Variants in PFKM observed in about 807,000 individuals in gnomAD.
PFKM encodes the protein ATP-dependent 6-phosphofructokinase, muscle type.
PFKM carries 58 observed loss-of-function variants against 95.5 expected under a neutral mutation model. The ratio of observed to expected loss-of-function variants is 0.61; its 90% CI spans 0.49 to 0.76. The LOEUF (loss-of-function observed/expected upper bound fraction) is 0.76, where lower values mean the gene tolerates loss of function less well. Among genes scored for constraint, PFKM ranks in the 30% least tolerant of loss-of-function variants. PFKM has a pLI of 0.00. For synonymous variants in PFKM, 336 were observed against 357.2 expected (o/e 0.94, Z 0.67); for missense variants, 678 against 1,005.4 (o/e 0.67, Z 4.40).
chr12:48,145,661 C>A lies in PFKM; in HGVS notation c.2296C>A (p.His766Asn). ...EIDLDTSDHAHLEHITRKRSG... is the reference protein window; with the variant it reads ...EIDLDTSDHANLEHITRKRSG... Reference sequence around the variant, plus strand: ...TGACTTGGACACTTCAGACCATGCCCACCTGGAGCACATCACCCGGAAGCG... The same window carrying A: ...TGACTTGGACACTTCAGACCATGCCAACCTGGAGCACATCACCCGGAAGCG... Residue 766 changes from histidine (H) to asparagine (N), a missense_variant, in exon 23 of 23, where the codon CAC becomes AAC. By Grantham distance (68) the His-to-Asn change is moderately conservative. Transcript: ENST00000359794. This position sits in a 1 kb window ranked among gnomAD's most constrained non-coding sequence, Gnocchi z 4.3. 1 of 1,614,206 alleles carries A rather than the reference C, an allele frequency of 6.2e-7. No individual in the cohort carries two copies. Among genetic ancestry groups the A allele is most frequent in the Non-Finnish European group, 8.5e-7 (1 of 1,180,034 alleles).
intron 1 of PFKM, chr12:48,106,191 C>G: frequency 1.5e-6 from 1 of 681,854 alleles, no homozygotes; most frequent in South Asian, 1.5e-5. Context: ...AGTTAAGGAC[C>G]AGTGGGGCGC....
chr12:48,141,661 C>G, intron 15 of PFKM, 79 bp from the exon 16 acceptor site: 1 of 1,104,118 alleles, frequency 9.1e-7, no homozygotes, highest in Non-Finnish European at 1.4e-6. Flanking sequence ...CTAACTCTAG[C>G]TTTTCTCCCC....
intron 1 of PFKM, chr12:48,106,370 C>A: frequency 2.1e-6 from 1 of 480,102 alleles, no homozygotes; most frequent in Non-Finnish European, 3.7e-6. Context: ...TACCCGCCGC[C>A]TTCTGGTTCC....
At chr12:48,116,667 C>T (rs1019900616), upstream of PFKM, among the ~76,000 whole-genome samples, 5 of 152,084 alleles carry the variant, frequency 3.3e-5, no homozygotes, top group Non-Finnish European at 5.9e-5. Flanking sequence ...TTTGTAGAGA[C>T]GGGGTTTCAC....
chr12:48,115,144 G>T (rs1321477652), upstream of PFKM, among the ~76,000 whole-genome samples: 1 of 152,160 alleles, frequency 6.6e-6, no homozygotes, highest in Non-Finnish European at 1.5e-5. Flanking sequence ...AGGCGTCCCT[G>T]TGGAGATCAG....
chr12:48,139,956 C>T (rs773977863), intron 13 of PFKM, 44 bp downstream of exon 13: 11 of 1,262,192 alleles, frequency 8.7e-6, no homozygotes, highest in Non-Finnish European at 1.2e-5. Flanking sequence ...CCTTCTCCCT[C>T]CCCCAGTCTC....
chr12:48,124,459 A>G (rs900624536), intron 2 of PFKM, among the ~76,000 whole-genome samples: 1 of 152,230 alleles, frequency 6.6e-6, no homozygotes, highest in African/African-American at 2.4e-5. Flanking sequence ...TAAACAAACC[A>G]AGTGAGATGC....
intron 1 of PFKM, among the ~76,000 whole-genome samples, chr12:48,121,175 A>G (rs1005512867): frequency 9.2e-5 from 14 of 152,226 alleles, no homozygotes; most frequent in Admixed American, 3.9e-4. Context: ...TAAGGGTACA[A>G]CTATCACTGG....
At chr12:48,142,452 G>A (rs1950656609) in intron 17 of PFKM, 7 of 436,616 alleles carry the variant, frequency 1.6e-5, no homozygotes, top group South Asian at 1.5e-4. Flanking sequence ...CAGCCTGGGT[G>A]ACAAAGTGTT....
intron 14 of PFKM, 107 bp downstream of exon 14, chr12:48,140,978 C>T (rs1173232724): frequency 8.3e-7 from 1 of 1,203,164 alleles, no homozygotes; most frequent in Non-Finnish European, 1.2e-6. Flanking sequence ...ACCTCTCTCT[C>T]CTCTCTCAGG....
Position 48,137,680 on chromosome 12 carries a change from C to A in PFKM, c.937-41C>A, listed in dbSNP as rs770974933. The A allele has an allele frequency of 4.3e-6, 7 of 1,613,712 alleles. No homozygotes were observed. In the South Asian group the frequency reaches 7.7e-5, roughly 18 times the overall value. On this transcript the variant is annotated intron_variant, in intron 10 of 22. Transcript: ENST00000359794. ...CTCTCTAGGCTGAGCCAAGATGGGG[C>A]AGCCTGAGCCAGACTGTCTTTGTTC...
intron 1 of PFKM, among the ~76,000 whole-genome samples, chr12:48,122,271 A>G (rs976699544): frequency 3.9e-5 from 6 of 152,152 alleles, no homozygotes; most frequent in South Asian, 2.1e-4. Context: ...GCACAATTCC[A>G]TAACACCCAA....
Position 48,108,085 on chromosome 12 carries a change from T to TC in PFKM, c.96_97insC (p.Thr33HisfsTer24). On this transcript the variant is annotated frameshift_variant, in exon 3 of 25. Transcript: ENST00000340802. LOFTEE classifies it high-confidence loss of function. ...ATTGTTTCTCAGCTGGGGAAGCTTC[T>TC]ACTTCCAGCATGCTCATACCAAAGC... 10 of 1,599,410 alleles carry TC rather than the reference T, an allele frequency of 6.3e-6. No individual in the cohort carries two copies. The highest frequency in any genetic ancestry group is 8.5e-6 in the Non-Finnish European group (10 of 1,179,676).
chr12:48,139,304 C>T lies in PFKM; in HGVS notation c.1082C>T (p.Ala361Val), dbSNP rs763928206. Reference protein sequence around the residue: ...CVQVTKDVTKAMDEKKFDEAL... With the variant: ...CVQVTKDVTKVMDEKKFDEAL... ...CCTCAGACCAAAGATGTGACCAAGG[C>T]CATGGATGAGAAGAAATTTGACGAA... is the stretch of plus-strand genomic sequence containing the variant. Residue 361 changes from alanine (A) to valine (V), a missense_variant, in exon 12 of 23, where the codon GCC (alanine) becomes GTC (valine). Physicochemically the swap from Ala to Val is moderately conservative, Grantham distance 64 (BLOSUM62 0). Transcript: ENST00000359794. 6.2e-7 allele frequency: 1 copy of T among 1,613,644 alleles called. No individual in the cohort carries two copies. The highest frequency in any genetic ancestry group is 8.5e-7 in the Non-Finnish European group (1 of 1,179,738).
Position 48,145,705 on chromosome 12 carries a change from C to T in PFKM, c.2340C>T (p.Val780=). Residue 780 remains valine, a synonymous_variant, in exon 23 of 23, where the codon GTC becomes GTT. Coordinates refer to ENST00000359794, the MANE Select transcript of PFKM (RefSeq NM_000289.6). The surrounding 1 kb of genome is among the most constrained non-coding windows in gnomAD (Gnocchi z 4.3). ...ITRKRSGEAA[V] is the part of the protein sequence containing the mutation. ...GGAAGCGGTCCGGGGAAGCTGCCGT[C>T]TAAACCTCTCTGGAGTGAGGGGAAT... The T allele has an allele frequency of 6.2e-7, 1 of 1,614,166 alleles. No homozygotes were observed.
intron 7 of PFKM, 133 bp from the exon 8 acceptor site, chr12:48,134,588 C>T (rs1230673431): frequency 3.9e-6 from 3 of 776,566 alleles, no homozygotes; most frequent in Non-Finnish European, 6.7e-6. Context: ...GTGCTCTTAC[C>T]CTTGCCCCAC....
At chr12:48,134,561 C>T (rs903499071) in intron 7 of PFKM, among the ~76,000 whole-genome samples, 160 bp from the exon 8 acceptor site, 2 of 152,240 alleles carry the variant, frequency 1.3e-5, no homozygotes, top group Admixed American at 1.3e-4. Context: ...GAGACAGAAT[C>T]TCATTGAGGG....
intron 2 of PFKM, among the ~76,000 whole-genome samples, chr12:48,124,579 T>C (rs1357715747): frequency 6.6e-6 from 1 of 152,188 alleles, no homozygotes; most frequent in Non-Finnish European, 1.5e-5. Flanking sequence ...CACCTTCTGA[T>C]CCTGAGCAGT....
intron 11 of PFKM, 145 bp downstream of exon 11, chr12:48,137,991 C>A: frequency 4.6e-6 from 4 of 866,628 alleles, no homozygotes; most frequent in South Asian, 2.9e-5. Context: ...GGGGAAAGAA[C>A]ACAGTGGGCT....
Sources: gnomAD v4.1 joint callset for allele counts (sites outside exome capture counted in the v4.1 genomes callset) on GRCh38, gnomAD v4.1.1 for gene constraint, Gnocchi (gnomAD v3.1) non-coding constraint, MANE v1.5 for transcripts, NCBI Gene and HGNC (gene_info 2026-07-23, HGNC 2026-07-21) for gene names.